ETFBKMT: variants seen among roughly 807,000 people sequenced by gnomAD.
ETFBKMT encodes the protein electron transfer flavoprotein subunit beta lysine methyltransferase, also known as electron transfer flavoprotein beta subunit lysine methyltransferase.
Under a neutral mutation model 18.3 loss-of-function variants are expected in ETFBKMT, and 13 were observed. The observed-to-expected ratio is 0.71, with a 90% CI of 0.46 to 1.13. ETFBKMT has a LOEUF of 1.13. Among genes scored for constraint, ETFBKMT ranks in the 50% most tolerant of loss-of-function variants. ETFBKMT has a pLI of 0.00. For synonymous variants in ETFBKMT, 84 were observed against 107.9 expected, an observed-to-expected ratio of 0.78 and a Z score of 1.37; for missense variants, 293 against 306.2, an observed-to-expected ratio of 0.96 and a Z score of 0.32.
Position 31,661,835 on chromosome 12 carries a change from T to G in ETFBKMT, c.-113-6T>G. 1.2e-6 allele frequency: 1 copy of G among 863,342 alleles called. No individual in the cohort carries two copies. Among genetic ancestry groups the G allele is most frequent in the Non-Finnish European group, 1.8e-6 (1 of 541,390 alleles). 53.5% of individuals were successfully genotyped at this position (863,342 alleles called of 1,614,324 possible). ...TTCTCAGTATTACTTTTCTTTTTTT[T>G]TTCAGAGTCAGAGGTTCCGGTTGAG... On this transcript the variant is annotated splice_polypyrimidine_tract_variant and splice_region_variant and intron_variant, in intron 1 of 3. Coordinates refer to ENST00000357721, the MANE Select transcript of ETFBKMT (RefSeq NM_001135863.2).
chr12:31,656,835 A>C (rs890437620), upstream of ETFBKMT, among the ~76,000 whole-genome samples: 2 of 152,168 alleles, frequency 1.3e-5, no homozygotes, highest in African/African-American at 4.8e-5. Context: ...CATTTTTCTA[A>C]AATTCAAGTT....
At position 31,665,415 on chromosome 12, in the gene ETFBKMT, G is replaced by A. The variant is rs57759369; in HGVS notation, c.315-672G>A. On this transcript the variant is annotated intron_variant, in intron 2 of 3. Transcript: ENST00000357721. ...TAGTCAGACCAAACTTGCCAAGGTT[G>A]GACCAAGTTCTGCTACTTTTCACTA... Among the ~76,000 whole-genome samples, 423 of 152,284 alleles carry A rather than the reference G, an allele frequency of 2.8e-3. 2 individuals carry two copies. Among genetic ancestry groups the A allele is most frequent in the African/African-American group, 9.7e-3 (404 of 41,554 alleles).
In ETFBKMT at chr12:31,672,262, T is replaced by C; in HGVS notation, c.*4272T>C. On this transcript the variant is annotated 3_prime_UTR_variant, in exon 4 of 4. Coordinates refer to ENST00000357721, the MANE Select transcript of ETFBKMT (RefSeq NM_001135863.2). ...TATAGATGGTTTCCTGGGAAAGTAG[T>C]TTTGATAAGCTTTCCTAGCATTGAT... The C allele has an allele frequency of 7.1e-7, 1 of 1,398,808 alleles. No homozygotes were observed. The highest frequency in any genetic ancestry group is 9.9e-7 in the Non-Finnish European group (1 of 1,008,200). 86.6% of individuals were successfully genotyped at this position (1,398,808 alleles called of 1,614,324 possible).
chr12:31,651,612 A>G (rs1203939987), intron 1 of ETFBKMT, among the ~76,000 whole-genome samples: 1 of 152,114 alleles, frequency 6.6e-6, no homozygotes, highest in African/African-American at 2.4e-5. Flanking sequence ...GATTACAGAC[A>G]TGGGCCACCG....
intron 2 of ETFBKMT, among the ~76,000 whole-genome samples, chr12:31,663,523 G>A (rs2139623555): frequency 6.6e-6 from 1 of 152,322 alleles, no homozygotes; most frequent in Admixed American, 6.5e-5. Context: ...ATCGTGCCTG[G>A]CAGTAGCAGC....
At position 31,669,439 on chromosome 12, in the gene ETFBKMT, G is replaced by C. The variant is rs1951237633; in HGVS notation, c.*1449G>C. On this transcript the variant is annotated 3_prime_UTR_variant, in exon 4 of 4. Coordinates refer to ENST00000357721, the MANE Select transcript of ETFBKMT (RefSeq NM_001135863.2). Reference sequence around the variant, plus strand: ...GGAAGGCTAGAGGCAGCTGGAGTTGGGTGCTTCCTTTCCCCCAGGTCAACG... The same window carrying C: ...GGAAGGCTAGAGGCAGCTGGAGTTGCGTGCTTCCTTTCCCCCAGGTCAACG... 6.6e-6 allele frequency: 1 copy of C among 152,236 alleles called. No individual in the cohort carries two copies. 9.4% of individuals were successfully genotyped at this position (152,236 alleles called of 1,614,324 possible). A position where few individuals can be genotyped will look rare whatever the true frequency, so the allele number is the denominator to read the frequency against.
chr12:31,664,028 A>G (rs1951163288), intron 2 of ETFBKMT, among the ~76,000 whole-genome samples: 2 of 150,168 alleles, frequency 1.3e-5, no homozygotes, highest in South Asian at 2.1e-4. Context: ...GTCTTATTTC[A>G]TATGTCCTGT....
intron 1 of ETFBKMT, among the ~76,000 whole-genome samples, chr12:31,652,802 T>A (rs947079319): frequency 1.3e-5 from 2 of 152,214 alleles, no homozygotes; most frequent in African/African-American, 2.4e-5. Context: ...CACGTGTGTG[T>A]GAGAGAAAGA....
At chr12:31,650,461 T>C (rs1951006868) in intron 1 of ETFBKMT, among the ~76,000 whole-genome samples, 1 of 151,952 alleles carries the variant, frequency 6.6e-6, no homozygotes, top group South Asian at 2.1e-4. Context: ...GTCTTTGGAG[T>C]AGCCATTCTT....
upstream of ETFBKMT, among the ~76,000 whole-genome samples, chr12:31,654,204 C>T (rs921114180): frequency 2.0e-5 from 3 of 152,116 alleles, no homozygotes; most frequent in Non-Finnish European, 4.4e-5. Context: ...CACACGCCAC[C>T]ATGTCCGACT....
chr12:31,665,061 C>T (rs373379850), intron 2 of ETFBKMT, among the ~76,000 whole-genome samples: 2 of 151,230 alleles, frequency 1.3e-5, no homozygotes, highest in Non-Finnish European at 2.9e-5. Flanking sequence ...CTCAGCCTCC[C>T]GAGTAGCTGG....
At chr12:31,660,254 G>A (rs1351888319) in intron 1 of ETFBKMT, among the ~76,000 whole-genome samples, 2 of 150,686 alleles carry the variant, frequency 1.3e-5, no homozygotes, top group Non-Finnish European at 2.9e-5. Context: ...GGATCTGGCA[G>A]CATGTCCTGC....
Position 31,672,279 on chromosome 12 carries a change from A to G in ETFBKMT, c.*4289A>G. 2.0e-6 allele frequency: 3 copies of G among 1,529,122 alleles called. No homozygotes were observed. Among genetic ancestry groups the G allele is most frequent in the East Asian group, 2.4e-5 (1 of 42,008 alleles). 94.7% of individuals were successfully genotyped at this position (1,529,122 alleles called of 1,614,324 possible). A position where few individuals can be genotyped will look rare whatever the true frequency, so the allele number is the denominator to read the frequency against. On this transcript the variant is annotated 3_prime_UTR_variant, in exon 4 of 4. Coordinates refer to ENST00000357721, the MANE Select transcript of ETFBKMT (RefSeq NM_001135863.2). ...GAAAGTAGTTTTGATAAGCTTTCCT[A>G]GCATTGATCATCTTCAAAAAAGCAT... is the stretch of plus-strand genomic sequence containing the variant.
At position 31,672,372 on chromosome 12, in the gene ETFBKMT, A is replaced by T. The variant is rs749422450; in HGVS notation, c.*4382A>T. The T allele has an allele frequency of 6.4e-7, 1 of 1,566,172 alleles. No homozygotes were observed. The highest frequency in any genetic ancestry group is 8.7e-7 in the Non-Finnish European group (1 of 1,152,552). ...ACTAATTGCTCCAACACTTCTCGGG[A>T]ATGATCTATAAAAGAAAACAATGAC... On this transcript the variant is annotated 3_prime_UTR_variant, in exon 4 of 4. Transcript: ENST00000357721.
chr12:31,651,736 C>T (rs1166011187), intron 1 of ETFBKMT, among the ~76,000 whole-genome samples: 3 of 152,174 alleles, frequency 2.0e-5, no homozygotes, highest in Non-Finnish European at 4.4e-5. Flanking sequence ...GAACACTTAC[C>T]TTTCACTAGC....
In ETFBKMT at chr12:31,671,799, T is replaced by C. The variant is rs1233171020; in HGVS notation, c.*3809T>C. 1 of 152,578 alleles carries C rather than the reference T, an allele frequency of 6.6e-6. No homozygotes were observed. The highest frequency in any genetic ancestry group is 2.4e-5 in the African/African-American group (1 of 41,458). 9.5% of individuals were successfully genotyped at this position (152,578 alleles called of 1,614,324 possible). A position where few individuals can be genotyped will look rare whatever the true frequency, so the allele number is the denominator to read the frequency against. ...CAAATACCTAAATTCTTTGAAGAAT[T>C]AACAGGCTTGATGTTCAGGTCTGCT... On this transcript the variant is annotated 3_prime_UTR_variant, in exon 4 of 4. Transcript: ENST00000357721.
At chr12:31,663,762 C>A (rs899376102) in intron 2 of ETFBKMT, among the ~76,000 whole-genome samples, 1 of 152,178 alleles carries the variant, frequency 6.6e-6, no homozygotes, top group Admixed American at 6.6e-5. Flanking sequence ...TTTTTCCTCA[C>A]TTGCTTAACC....
upstream of ETFBKMT, among the ~76,000 whole-genome samples, chr12:31,655,547 A>G (rs1442023281): frequency 6.6e-6 from 1 of 152,184 alleles, no homozygotes; most frequent in East Asian, 1.9e-4. Flanking sequence ...CAAGTGCAAA[A>G]ACAAAGATGA....
chr12:31,664,993 A>T (rs1405379697), intron 2 of ETFBKMT, among the ~76,000 whole-genome samples: 1 of 147,494 alleles, frequency 6.8e-6, no homozygotes, highest in Non-Finnish European at 1.5e-5. Flanking sequence ...CTGGAGTGCA[A>T]TGGCTTGATC....
Sources: gnomAD v4.1 joint callset for allele counts (sites outside exome capture counted in the v4.1 genomes callset) on GRCh38, gnomAD v4.1.1 for gene constraint, MANE v1.5 for transcripts, NCBI Gene and HGNC (gene_info 2026-07-23, HGNC 2026-07-21) for gene names.